RIMS3: variants seen among roughly 807,000 people sequenced by gnomAD.
RIMS3 encodes regulating synaptic membrane exocytosis protein 3.
RIMS3 carries 15 observed loss-of-function variants against 29.2 expected under a neutral mutation model. The ratio of observed to expected loss-of-function variants is 0.51; its 90% confidence interval spans 0.34 to 0.79. The LOEUF is 0.79. Ranked by LOEUF, RIMS3 falls within the 30% of genes least tolerant of loss-of-function variation. RIMS3 has a pLI of 0.01. For synonymous variants in RIMS3, 161 were observed against 170.1 expected (o/e 0.95, Z 0.41); for missense variants, 342 against 421.4 (o/e 0.81, Z 1.65).
intron 1 of RIMS3, among the ~76,000 whole-genome samples, chr1:40,663,466 T>TC (rs1365723224): frequency 1.3e-5 from 2 of 151,562 alleles, no homozygotes; most frequent in Non-Finnish European, 2.9e-5. Flanking sequence ...ACCAGCCTGC[T>TC]CCCCCCTCCC....
At chr1:40,650,917 G>A (rs990398253) in intron 1 of RIMS3, among the ~76,000 whole-genome samples, 1 of 139,972 alleles carries the variant, frequency 7.1e-6, no homozygotes, top group Admixed American at 7.3e-5. Flanking sequence ...TTTGTCTCCT[G>A]TCTGCCTGGC....
At position 40,641,841 on chromosome 1, in the gene RIMS3, C is replaced by T. The variant is rs766603701; in HGVS notation, c.85G>A (p.Gly29Arg). ...GCCCCGCCCCCGGCTTGCTGGGATCCGCAGATTTCACCGCTAATGCTGGAG... is the reference window on the plus strand; with the variant it reads ...GCCCCGCCCCCGGCTTGCTGGGATCTGCAGATTTCACCGCTAATGCTGGAG... ...RSSSISGEIC[G>R]SQQAGGGAGT... is the part of the protein sequence containing the mutation. Residue 29 changes from glycine (G) to arginine (R), a missense_variant, in exon 3 of 8, where the codon GGA becomes AGA. Coordinates refer to ENST00000372684, the MANE Select transcript of RIMS3 (RefSeq NM_014747.3). The T allele has an allele frequency of 4.3e-6, 7 of 1,613,408 alleles. No homozygotes were observed. The highest frequency in any genetic ancestry group is 4.2e-6 in the Non-Finnish European group (5 of 1,179,348).
intron 3 of RIMS3, among the ~76,000 whole-genome samples, 183 bp downstream of exon 3, chr1:40,641,526 C>T (rs1646557460): frequency 6.6e-6 from 1 of 152,208 alleles, no homozygotes; most frequent in Non-Finnish European, 1.5e-5. Context: ...CCTCATAGAG[C>T]TCCATGGAGA....
Position 40,636,152 on chromosome 1 carries a change from T to C in RIMS3, c.218-95A>G. ...TCCTGCCAAAGTCACTCTCTTGGCA[T>C]GGGGGGTTGATGGGGAGGATGAGCA... On this transcript the variant is annotated intron_variant, in intron 3 of 7. Coordinates refer to ENST00000372684, the MANE Select transcript of RIMS3 (RefSeq NM_014747.3). The surrounding 1 kb of genome is among the most constrained non-coding windows in gnomAD (Gnocchi z 4.2). The C allele has an allele frequency of 6.7e-7, 1 of 1,489,944 alleles. No individual in the cohort carries two copies. The highest frequency in any genetic ancestry group is 9.2e-7 in the Non-Finnish European group (1 of 1,089,304). The allele number at this position is 1,489,944 out of a possible 1,614,324, so 92.3% of individuals were successfully genotyped here.
At chr1:40,663,911 T>G (rs1004981371) in intron 1 of RIMS3, among the ~76,000 whole-genome samples, 1 of 152,188 alleles carries the variant, frequency 6.6e-6, no homozygotes, top group East Asian at 1.9e-4. Context: ...GCAGCTCAAA[T>G]CCACCATTTC....
intron 5 of RIMS3, among the ~76,000 whole-genome samples, chr1:40,631,071 G>C (rs1344054002): frequency 6.6e-6 from 1 of 152,206 alleles, no homozygotes; most frequent in Non-Finnish European, 1.5e-5. Flanking sequence ...TTTGCTGGGA[G>C]GGTCAAAGGT....
chr1:40,665,728 G>T, upstream of RIMS3: 1 of 153,056 alleles, frequency 6.5e-6, no homozygotes, highest in South Asian at 1.8e-4. Context: ...GGGCCTGCCG[G>T]GGGCGGGGCC....
intron 1 of RIMS3, among the ~76,000 whole-genome samples, chr1:40,657,472 G>A (rs1053721820): frequency 1.3e-5 from 2 of 152,186 alleles, no homozygotes; most frequent in South Asian, 2.1e-4. Flanking sequence ...CAGACTGGGT[G>A]TCGTGAATCA....
Position 40,635,869 on chromosome 1 carries a change from G to A in RIMS3, c.359+47C>T, listed in dbSNP as rs771611980. ...ACCCTGCCCAGTGGCTCTGTGACTG[G>A]AGGACCGAGGAGGAGGGAGGGGACC... On this transcript the variant is annotated intron_variant, in intron 4 of 7. Coordinates refer to ENST00000372684, the MANE Select transcript of RIMS3 (RefSeq NM_014747.3). The surrounding 1 kb of genome is among the most constrained non-coding windows in gnomAD (Gnocchi z 4.1). 7 of 1,599,822 alleles carry A rather than the reference G, an allele frequency of 4.4e-6. No homozygotes were observed. The highest frequency in any genetic ancestry group is 2.1e-4 in the Middle Eastern group (1 of 4,844).
chr1:40,646,098 G>A lies in RIMS3; in HGVS notation c.-32+1570C>T, dbSNP rs187440045. Among the ~76,000 whole-genome samples, 10 of 152,278 alleles carry A rather than the reference G, an allele frequency of 6.6e-5. 1 individual carries two copies. The highest frequency in any genetic ancestry group is 2.2e-4 in the African/African-American group (9 of 41,556). ...CCTTATGTGAACTCCTCTGGGCCTC[G>A]GCTGTCTCATCTGGGTGTAAAATGA... On this transcript the variant is annotated intron_variant, in intron 2 of 7. Transcript: ENST00000372684.
At chr1:40,633,208 G>T (rs1352090394) in intron 4 of RIMS3, 27 bp from the exon 5 acceptor site, 3 of 1,584,008 alleles carry the variant, frequency 1.9e-6, no homozygotes, top group South Asian at 1.1e-5. Flanking sequence ...AGGGACGCGT[G>T]AGGGGGTCAG....
At chr1:40,671,710 T>C in the RIMS3 span, among the ~76,000 whole-genome samples, 1 of 151,918 alleles carries the variant, frequency 6.6e-6, no homozygotes, top group Non-Finnish European at 1.5e-5. Context: ...ATGCTTCCTG[T>C]ACAGCCTGTG....
rs1480353434 is a variant in RIMS3 at position 40,629,335 on chromosome 1, C to T, written c.510G>A (p.Gln170=). 1 of 1,614,194 alleles carries T rather than the reference C, an allele frequency of 6.2e-7. No homozygotes were observed. The highest frequency in any genetic ancestry group is 2.2e-5 in the East Asian group (1 of 44,882). The change falls in exon 6 of 8, where the codon CAG becomes CAA. Residue 170 remains glutamine, a synonymous_variant. Coordinates refer to ENST00000372684, the MANE Select transcript of RIMS3 (RefSeq NM_014747.3). Reference sequence around the variant, plus strand: ...GAGCTTCAATCACTTCCACCTCCAGCTGGCCACTCCGGTCCATGATGGCAA... The same window carrying T: ...GAGCTTCAATCACTTCCACCTCCAGTTGGCCACTCCGGTCCATGATGGCAA... ...VHIAIMDRSG[Q]LEVEVIEARG... is the part of the protein sequence containing the mutation.
rs541932226 is a variant in RIMS3 at position 40,633,292 on chromosome 1, T to A, written c.360-111A>T. 4.5e-4 allele frequency: 330 copies of A among 740,168 alleles called. 3 individuals carry two copies. The highest frequency in any genetic ancestry group is 1.5e-3 in the Middle Eastern group (4 of 2,620). 45.9% of individuals were successfully genotyped at this position (740,168 alleles called of 1,614,324 possible). On this transcript the variant is annotated intron_variant, in intron 4 of 7. Transcript: ENST00000372684. ...CTGGGGCCCTGGGCACGTCCCTCTG[T>A]GCCTCAGTTTCTCCTCTAAACAGTA...
rs554802528 is a variant in RIMS3 at position 40,659,113 on chromosome 1, C to T, written c.-207+6281G>A. Among the ~76,000 whole-genome samples the T allele has an allele frequency of 7.9e-5, 12 of 152,178 alleles. No individual in the cohort carries two copies. The South Asian group carries it at 8.3e-4, about 11-fold the overall frequency. ...CGGAAGGGCTCCACAGGCTTCACAGCGAAGGTAGCAGCTGAGCCGATTTTG... is the reference window on the plus strand; with the variant it reads ...CGGAAGGGCTCCACAGGCTTCACAGTGAAGGTAGCAGCTGAGCCGATTTTG... On this transcript the variant is annotated intron_variant, in intron 1 of 7. Transcript: ENST00000372684.
upstream of RIMS3, among the ~76,000 whole-genome samples, chr1:40,666,190 AAG>A (rs1642423204): frequency 6.6e-6 from 1 of 152,178 alleles, no homozygotes; most frequent in East Asian, 1.9e-4. Flanking sequence ...AGACAGAAGG[AAG>A]TAGAGTGGCC....
the RIMS3 span, among the ~76,000 whole-genome samples, chr1:40,672,339 C>T: frequency 6.6e-6 from 1 of 151,868 alleles, no homozygotes; most frequent in Admixed American, 6.6e-5. Flanking sequence ...GCTGGGACTA[C>T]AGGTGCCCGC....
rs1411223064 is a variant in RIMS3, at chr1:40,624,295, G to A, written c.*2222C>T. ...CTAACAACCCTATCATCCCAAAGGT[G>A]TAGAGTATTTTCGCAACACCCTGAC... On this transcript the variant is annotated 3_prime_UTR_variant, in exon 8 of 8. Transcript: ENST00000372684. 2 of 152,246 alleles carry A rather than the reference G, an allele frequency of 1.3e-5. No individual in the cohort carries two copies. Among genetic ancestry groups the A allele is most frequent in the Non-Finnish European group, 2.9e-5 (2 of 68,052 alleles). 9.4% of individuals were successfully genotyped at this position (152,246 alleles called of 1,614,324 possible).
intron 1 of RIMS3, among the ~76,000 whole-genome samples, chr1:40,663,390 G>C (rs1393670869): frequency 6.6e-6 from 1 of 152,172 alleles, no homozygotes; most frequent in Non-Finnish European, 1.5e-5. Context: ...TGTTGCCTGG[G>C]GGAGAAGGTT....
Sources: allele counts gnomAD v4.1 joint callset (sites outside exome capture counted in the v4.1 genomes callset), GRCh38; gene constraint gnomAD v4.1.1; non-coding constraint Gnocchi (gnomAD v3.1); transcripts MANE v1.5; gene names NCBI Gene and HGNC (gene_info 2026-07-23, HGNC 2026-07-21).